FRS2: variants seen among roughly 807,000 people sequenced by gnomAD.
FRS2 encodes the protein fibroblast growth factor receptor substrate 2, also known as FGFR signalling adaptor.
A neutral mutation model predicts 43.9 loss-of-function variants in FRS2; 8 were observed. The ratio of observed to expected loss-of-function variants is 0.18; its 90% CI spans 0.11 to 0.33. The LOEUF is 0.33. Among genes scored for constraint, FRS2 ranks in the 10% least tolerant of loss-of-function variants. The pLI, the probability that FRS2 is intolerant of heterozygous loss-of-function variation, is 1.00. For synonymous variants in FRS2, 219 were observed against 220.3 expected (o/e 0.99, Z 0.05); for missense variants, 534 against 627.6 (o/e 0.85, Z 1.59).
intron 1 of FRS2, among the ~76,000 whole-genome samples, chr12:69,478,309 T>C (rs1056509873): frequency 6.6e-6 from 1 of 152,188 alleles, no homozygotes. Flanking sequence ...ATGATGGAAA[T>C]GTTCTATGTC....
intron 1 of FRS2, among the ~76,000 whole-genome samples, chr12:69,485,578 G>T (rs770051395): frequency 6.6e-6 from 1 of 152,108 alleles, no homozygotes; most frequent in Non-Finnish European, 1.5e-5. Flanking sequence ...CACCTCCCAA[G>T]TTCAGGCGAT....
At chr12:69,553,927 G>A (rs536180116) in intron 3 of FRS2, among the ~76,000 whole-genome samples, 2 of 152,266 alleles carry the variant, frequency 1.3e-5, no homozygotes, top group South Asian at 4.2e-4. Flanking sequence ...TAGTATTGGG[G>A]GCTTTTCAAG....
chr12:69,488,260 C>G (rs1430275208), intron 1 of FRS2, among the ~76,000 whole-genome samples: 1 of 152,098 alleles, frequency 6.6e-6, no homozygotes, highest in Non-Finnish European at 1.5e-5. Context: ...TCATTTGATG[C>G]GGCAAGTGAT....
At chr12:69,526,572 AT>A (rs34176001) in intron 1 of FRS2, among the ~76,000 whole-genome samples, 1 of 152,224 alleles carries the variant, frequency 6.6e-6, no homozygotes, top group African/African-American at 2.4e-5. Context: ...ACATGAGAGG[AT>A]TTTTTAGAAA....
intron 1 of FRS2, among the ~76,000 whole-genome samples, chr12:69,518,780 C>G (rs374275895): frequency 6.6e-6 from 1 of 151,450 alleles, no homozygotes; most frequent in African/African-American, 2.4e-5. Flanking sequence ...TTTGGGAGGC[C>G]GAGGCAGGTG....
At chr12:69,546,108 T>C (rs1456453825) in intron 3 of FRS2, among the ~76,000 whole-genome samples, 1 of 152,078 alleles carries the variant, frequency 6.6e-6, no homozygotes, top group Non-Finnish European at 1.5e-5. Flanking sequence ...CAAAAACTAA[T>C]TTAAAAATGG....
At chr12:69,482,385 T>G (rs982279495) in intron 1 of FRS2, among the ~76,000 whole-genome samples, 8 of 152,226 alleles carry the variant, frequency 5.3e-5, no homozygotes, top group Non-Finnish European at 1.0e-4. Context: ...GTTAATATAA[T>G]CCTTTGATCT....
intron 3 of FRS2, among the ~76,000 whole-genome samples, chr12:69,541,367 A>T (rs774665349): frequency 5.3e-5 from 8 of 152,210 alleles, no homozygotes; most frequent in Non-Finnish European, 1.0e-4. Flanking sequence ...TTTAAACTTC[A>T]GGGTAAACAA....
At position 69,570,406 on chromosome 12, in the gene FRS2, T is replaced by C; in HGVS notation, c.142T>C (p.Tyr48His). The change falls in exon 6 of 9, where the codon TAC (tyrosine) becomes CAC (histidine). Residue 48 changes from tyrosine (Y) to histidine (H), a missense_variant. Around this residue, in one of 3 missense-constraint regions of FRS2, gnomAD observed 76 missense variants for 90.5 expected, o/e 0.84. Transcript: ENST00000549921. Reference sequence around the variant, plus strand: ...ACTTACAGACACAGAACTGATTTTATACACCCGCAAACGTGACTCAGTAAA... The same window carrying C: ...ACTTACAGACACAGAACTGATTTTACACACCCGCAAACGTGACTCAGTAAA... ...MELTDTELILYTRKRDSVKWH... is the reference protein window; with the variant it reads ...MELTDTELILHTRKRDSVKWH... 6.2e-7 allele frequency: 1 copy of C among 1,613,262 alleles called. No homozygotes were observed. Among genetic ancestry groups the C allele is most frequent in the Non-Finnish European group, 8.5e-7 (1 of 1,179,200 alleles).
At chr12:69,507,796 G>A (rs58183048) in intron 1 of FRS2, among the ~76,000 whole-genome samples, 8,345 of 151,998 alleles carry the variant, frequency 0.055, 572 homozygotes, top group East Asian at 0.37. Context: ...AGGCCCAGGC[G>A]GGCGGATCAC....
At chr12:69,551,747 T>C (rs1878890309) in intron 3 of FRS2, among the ~76,000 whole-genome samples, 1 of 152,010 alleles carries the variant, frequency 6.6e-6, no homozygotes, top group Non-Finnish European at 1.5e-5. Flanking sequence ...CAGTCGTGGA[T>C]GCTCTGGAAT....
At chr12:69,537,283 C>G (rs1433756302) in intron 3 of FRS2, among the ~76,000 whole-genome samples, 1 of 152,018 alleles carries the variant, frequency 6.6e-6, no homozygotes, top group Non-Finnish European at 1.5e-5. Flanking sequence ...TACCTAATTA[C>G]TGTTTTCTTG....
At chr12:69,570,744 G>GAAAA (rs1326411541) in intron 6 of FRS2, among the ~76,000 whole-genome samples, 2 of 152,180 alleles carry the variant, frequency 1.3e-5, no homozygotes, top group African/African-American at 4.8e-5. Context: ...TTCAGTAAAT[G>GAAAA]ATTGGGTCAG....
In FRS2 at chr12:69,485,111, A is replaced by ACGCGCG. The variant is rs973178570; in HGVS notation, c.-261+14582_-261+14583insGCGCGC. 9.5e-3 allele frequency among the ~76,000 whole-genome samples: 1,397 copies of ACGCGCG among 147,086 alleles called. 31 individuals are homozygous for ACGCGCG. Among genetic ancestry groups the ACGCGCG allele is most frequent in the African/African-American group, 0.03 (1,153 of 38,930 alleles). On this transcript the variant is annotated intron_variant, in intron 1 of 8. Transcript: ENST00000549921. ...CACACACACACACACACACACACAC[A>ACGCGCG]CACACACACACACACACACACACAC...
intron 3 of FRS2, among the ~76,000 whole-genome samples, chr12:69,536,176 G>GT (rs1464596802): frequency 2.6e-5 from 3 of 115,118 alleles, no homozygotes; most frequent in African/African-American, 3.4e-5. Flanking sequence ...CCAGGCTGGA[G>GT]TGTAGTGGCA....
chr12:69,568,006 G>A (rs1270998941), intron 4 of FRS2, among the ~76,000 whole-genome samples: 2 of 152,148 alleles, frequency 1.3e-5, no homozygotes, highest in East Asian at 1.9e-4. Flanking sequence ...TGTAGCTTCT[G>A]TGCTTCCTTC....
intron 1 of FRS2, among the ~76,000 whole-genome samples, chr12:69,523,087 A>G (rs1417405147): frequency 6.6e-6 from 1 of 152,198 alleles, no homozygotes; most frequent in Non-Finnish European, 1.5e-5. Flanking sequence ...GTAGATTTAT[A>G]TCGGGTTCAT....
intron 1 of FRS2, among the ~76,000 whole-genome samples, chr12:69,512,599 A>G (rs980121958): frequency 8.5e-5 from 13 of 152,210 alleles, no homozygotes; most frequent in Non-Finnish European, 7.3e-5. Flanking sequence ...ACTTAAATTC[A>G]TGGTGTTTAG....
chr12:69,516,341 C>T (rs1875028712), intron 1 of FRS2, among the ~76,000 whole-genome samples: 1 of 151,956 alleles, frequency 6.6e-6, no homozygotes, highest in African/African-American at 2.4e-5. Context: ...GCCTCAGCCT[C>T]CGGAGTAGCT....
Sources: allele counts gnomAD v4.1 joint callset (sites outside exome capture counted in the v4.1 genomes callset), GRCh38; gene constraint gnomAD v4.1.1; regional missense constraint gnomAD v4.1.1; transcripts MANE v1.5; gene names NCBI Gene and HGNC (gene_info 2026-07-23, HGNC 2026-07-21).